ANKRD30BL: variants seen among roughly 807,000 people sequenced by gnomAD.
ANKRD30BL encodes ankyrin repeat domain 30B like, also known as putative ankyrin repeat domain-containing protein 30B-like.
ANKRD30BL carries 20 observed loss-of-function variants against 18.4 expected under a neutral mutation model. The observed-to-expected ratio is 1.09, with a 90% CI of 0.77 to 1.58. The LOEUF is 1.58. ANKRD30BL is among the 40% of genes most tolerant of loss of function. The pLI is 0.00. For synonymous variants in ANKRD30BL, 72 were observed against 100.9 expected, an observed-to-expected ratio of 0.71 and a Z score of 1.72; for missense variants, 224 against 268.6, an observed-to-expected ratio of 0.83 and a Z score of 1.16.
chr2:132,235,277 C>G (rs184772148), intron 1 of ANKRD30BL, among the ~76,000 whole-genome samples: 4 of 152,250 alleles, frequency 2.6e-5, no homozygotes, highest in African/African-American at 9.6e-5. Context: ...AAAACTGGCA[C>G]AAGACAGGGA....
intron 1 of ANKRD30BL, among the ~76,000 whole-genome samples, chr2:132,205,667 G>C (rs1270405884): frequency 3.3e-5 from 5 of 150,976 alleles, no homozygotes; most frequent in Non-Finnish European, 5.9e-5. Context: ...AAAAATGAAA[G>C]CATGGGGCCA....
At chr2:132,229,251 C>T (rs1432201980) in intron 1 of ANKRD30BL, among the ~76,000 whole-genome samples, 1 of 151,702 alleles carries the variant, frequency 6.6e-6, no homozygotes, top group African/African-American at 2.4e-5. Flanking sequence ...TTTCGAGTGC[C>T]TTCGGGTCTA....
rs111770980 is a variant in ANKRD30BL at position 132,148,168 on chromosome 2, G to C, written c.740C>G (p.Thr247Arg). 1.1e-5 allele frequency: 18 copies of C among 1,602,920 alleles called. No homozygotes were observed. Among genetic ancestry groups the C allele is most frequent in the Non-Finnish European group, 1.4e-5 (17 of 1,175,284 alleles). The stretch of plus-strand genomic sequence containing the variant: ...TGTTCTTTCCACCAAGCTTTCAGCC[G>C]TGTCAGGTGTTCTTTCCGCCAAGGG... ...AAPLAERTPD[T>R]AESLVERTPD... The change falls in exon 6 of 6, where the codon ACG (threonine) becomes AGG (arginine). Residue 247 changes from threonine (T) to arginine (R), a missense_variant. Thr to Arg is a moderately conservative substitution (Grantham distance 71). This residue lies in a region of ANKRD30BL where 63 missense variants were observed against 62.3 expected (regional missense o/e 1.01). Coordinates refer to ENST00000409867, the MANE Select transcript of ANKRD30BL (RefSeq NM_001358416.1).
chr2:132,194,553 C>G (rs1437815744), intron 1 of ANKRD30BL, among the ~76,000 whole-genome samples: 1 of 152,156 alleles, frequency 6.6e-6, no homozygotes, highest in Non-Finnish European at 1.5e-5. Flanking sequence ...CCACAGTGAC[C>G]TAAGCCAAAG....
intron 1 of ANKRD30BL, among the ~76,000 whole-genome samples, chr2:132,218,531 A>G (rs1679575517): frequency 6.6e-6 from 1 of 152,270 alleles, no homozygotes; most frequent in Non-Finnish European, 1.5e-5. Flanking sequence ...CACAGAGTTG[A>G]TAATTTCTTT....
intron 1 of ANKRD30BL, among the ~76,000 whole-genome samples, chr2:132,213,254 T>C (rs566028832): frequency 3.9e-4 from 59 of 151,892 alleles, no homozygotes; most frequent in Non-Finnish European, 6.8e-4. Context: ...TGAAACACTC[T>C]GCAAGTGGAC....
At position 132,147,972 on chromosome 2, in the gene ANKRD30BL, T is replaced by G. The variant is rs1687650592; in HGVS notation, c.*159A>C. 1 of 625,418 alleles carries G rather than the reference T, an allele frequency of 1.6e-6. No individual in the cohort carries two copies. The highest frequency in any genetic ancestry group is 1.9e-5 in the African/African-American group (1 of 53,492). 38.7% of individuals were successfully genotyped at this position (625,418 alleles called of 1,614,324 possible). A position where few individuals can be genotyped will look rare whatever the true frequency, so the allele number is the denominator to read the frequency against. On this transcript the variant is annotated 3_prime_UTR_variant, in exon 6 of 6. Coordinates refer to ENST00000409867, the MANE Select transcript of ANKRD30BL (RefSeq NM_001358416.1). Reference sequence around the variant, plus strand: ...CAAGGAGGCATAACGAACGAGGAAGTTAAACTTTAAAACGGAGAACAAAGA... The same window carrying G: ...CAAGGAGGCATAACGAACGAGGAAGGTAAACTTTAAAACGGAGAACAAAGA...
intron 4 of ANKRD30BL, chr2:132,152,348 A>G (rs1346574183): frequency 6.6e-6 from 1 of 152,222 alleles, no homozygotes; most frequent in Admixed American, 6.5e-5. Flanking sequence ...TGAAGCCAGC[A>G]CAAATCCTTA....
At chr2:132,213,613 C>T (rs1281767202) in intron 1 of ANKRD30BL, among the ~76,000 whole-genome samples, 10 of 152,146 alleles carry the variant, frequency 6.6e-5, no homozygotes, top group Admixed American at 1.3e-4. Flanking sequence ...ACATTTTGAG[C>T]TCTTTCTGTC....
chr2:132,167,555 C>T (rs1386183855), intron 1 of ANKRD30BL, among the ~76,000 whole-genome samples: 1 of 152,076 alleles, frequency 6.6e-6, no homozygotes, highest in Non-Finnish European at 1.5e-5. Flanking sequence ...GTGGTCCACC[C>T]ACCTTGGCAT....
intron 1 of ANKRD30BL, among the ~76,000 whole-genome samples, chr2:132,180,384 G>T (rs4284883): frequency 0.39 from 58,590 of 151,990 alleles, 11,808 homozygotes; most frequent in South Asian, 0.46. Flanking sequence ...AGAGTAGTAG[G>T]CTATCCCGTC....
intron 1 of ANKRD30BL, among the ~76,000 whole-genome samples, chr2:132,221,418 G>C (rs1679677749): frequency 7.4e-6 from 1 of 135,984 alleles, no homozygotes; most frequent in African/African-American, 3.1e-5. Flanking sequence ...GGAGGGAGGT[G>C]GGGGGATCAG....
chr2:132,165,558 C>CA (rs71001174), upstream of ANKRD30BL, among the ~76,000 whole-genome samples: 28,394 of 135,020 alleles, frequency 0.21, 3,401 homozygotes, highest in African/African-American at 0.32. Context: ...TAGTAAAATA[C>CA]AAAAAAAAAA....
At chr2:132,235,576 T>C (rs200471187) in intron 1 of ANKRD30BL, among the ~76,000 whole-genome samples, 2 of 151,660 alleles carry the variant, frequency 1.3e-5, no homozygotes, top group African/African-American at 2.4e-5. Flanking sequence ...CATGAGTGAA[T>C]TCCCATTCAC....
At chr2:132,174,526 A>G (rs1209936560) in intron 1 of ANKRD30BL, among the ~76,000 whole-genome samples, 1 of 152,178 alleles carries the variant, frequency 6.6e-6, no homozygotes, top group Non-Finnish European at 1.5e-5. Flanking sequence ...AGAACTAGGC[A>G]TGCGTCAACT....
intron 1 of ANKRD30BL, among the ~76,000 whole-genome samples, chr2:132,230,074 T>C (rs1218865654): frequency 1.3e-5 from 2 of 151,596 alleles, no homozygotes; most frequent in Non-Finnish European, 2.9e-5. Context: ...ACGCTTTTTG[T>C]AGAATCTGCA....
chr2:132,223,012 C>T (rs1373374966), intron 1 of ANKRD30BL, among the ~76,000 whole-genome samples: 2 of 151,922 alleles, frequency 1.3e-5, no homozygotes, highest in African/African-American at 4.8e-5. Context: ...CAGAGTTGAA[C>T]ATACCTTATG....
chr2:132,232,567 C>T (rs1208299392), intron 1 of ANKRD30BL, among the ~76,000 whole-genome samples: 1 of 151,682 alleles, frequency 6.6e-6, no homozygotes, highest in Non-Finnish European at 1.5e-5. Flanking sequence ...ATGCAATCAA[C>T]TGGAAAAAAG....
At chr2:132,218,156 T>C (rs796165192) in intron 1 of ANKRD30BL, among the ~76,000 whole-genome samples, 1 of 152,094 alleles carries the variant, frequency 6.6e-6, no homozygotes, top group Non-Finnish European at 1.5e-5. Flanking sequence ...TCAGAAACTT[T>C]TTTGTGATGT....
Sources: allele counts gnomAD v4.1 joint callset (sites outside exome capture counted in the v4.1 genomes callset), GRCh38; gene constraint gnomAD v4.1.1; regional missense constraint gnomAD v4.1.1; transcripts MANE v1.5; gene names NCBI Gene and HGNC (gene_info 2026-07-23, HGNC 2026-07-21).